The following PTPRJ variants were observed in gnomAD, a reference collection of about 807,000 sequenced individuals.
PTPRJ encodes protein tyrosine phosphatase receptor type J, also known as receptor-type tyrosine-protein phosphatase eta.
PTPRJ carries 129 observed loss-of-function variants against 141.3 expected under a neutral mutation model. The observed-to-expected ratio is 0.91, with a 90% CI of 0.79 to 1.06. The LOEUF (loss-of-function observed/expected upper bound fraction) is 1.06, where lower values mean the gene tolerates loss of function less well. PTPRJ is among the 50% of genes least tolerant of loss of function. The probability of loss-of-function intolerance (pLI) is 0.00; values close to 1 mark genes in which losing one functional copy is unlikely to be tolerated. For missense variants in PTPRJ, 1,601 were observed against 1,679.7 expected (o/e 0.95, Z 0.82); for synonymous variants, 610 against 640.5 (o/e 0.95, Z 0.72).
At chr11:47,985,705 T>C (rs1854032146) in intron 1 of PTPRJ, among the ~76,000 whole-genome samples, 1 of 151,334 alleles carries the variant, frequency 6.6e-6, no homozygotes, top group Non-Finnish European at 1.5e-5. Context: ...TATTTATTTA[T>C]TTATTTATTT....
At chr11:48,067,350 C>A (rs1195147552) in intron 1 of PTPRJ, among the ~76,000 whole-genome samples, 1 of 152,214 alleles carries the variant, frequency 6.6e-6, no homozygotes, top group Non-Finnish European at 1.5e-5. Flanking sequence ...GTGCGGATGA[C>A]TTCCTCAATG....
chr11:48,060,825 G>T (rs538465616), intron 1 of PTPRJ, among the ~76,000 whole-genome samples: 1 of 152,270 alleles, frequency 6.6e-6, no homozygotes, highest in East Asian at 1.9e-4. Context: ...CTCTGAAGGG[G>T]CTGAGATTTG....
At position 47,980,590 on chromosome 11, in the gene PTPRJ, G is replaced by C. The variant is rs1244883806; in HGVS notation, c.-323G>C. On this transcript the variant is annotated 5_prime_UTR_variant, in exon 1 of 25. Coordinates refer to ENST00000418331, the MANE Select transcript of PTPRJ (RefSeq NM_002843.4). The stretch of plus-strand genomic sequence containing the variant: ...AGCCGCATGACGCGCGGAGGAGGCA[G>C]CGGGAGCAGCCGCGGGAGCCGGGAC... 1.0e-6 allele frequency: 1 copy of C among 983,080 alleles called. No individual in the cohort carries two copies. Among genetic ancestry groups the C allele is most frequent in the African/African-American group, 1.8e-5 (1 of 56,970 alleles). 60.9% of individuals were successfully genotyped at this position (983,080 alleles called of 1,614,324 possible).
intron 1 of PTPRJ, among the ~76,000 whole-genome samples, chr11:48,067,009 A>T (rs970683768): frequency 2.0e-5 from 3 of 152,238 alleles, no homozygotes; most frequent in African/African-American, 7.2e-5. Context: ...AGTTTCAATG[A>T]AAAAGGGAAT....
At chr11:48,122,314 A>T (rs1431621543) in intron 4 of PTPRJ, among the ~76,000 whole-genome samples, 1 of 152,136 alleles carries the variant, frequency 6.6e-6, no homozygotes, top group East Asian at 1.9e-4. Flanking sequence ...GGTCATGAGG[A>T]CAAGGTGACC....
chr11:48,155,746 A>G (rs1456937805), intron 19 of PTPRJ, 55 bp from the exon 20 acceptor site: 1 of 1,430,046 alleles, frequency 7.0e-7, no homozygotes, highest in South Asian at 1.2e-5. Context: ...TTTTGTGTCC[A>G]ACTTTACTAA....
chr11:48,165,903 C>T (rs565221778), intron 24 of PTPRJ, among the ~76,000 whole-genome samples: 8 of 151,688 alleles, frequency 5.3e-5, no homozygotes, highest in East Asian at 1.9e-4. Context: ...GCTCTGTCAC[C>T]GGGCTGGATT....
chr11:48,089,765 C>A (rs1040741554), intron 1 of PTPRJ, among the ~76,000 whole-genome samples: 2 of 152,264 alleles, frequency 1.3e-5, no homozygotes, highest in East Asian at 3.9e-4. Context: ...GAGCTGTTCA[C>A]AGTAAATGGA....
chr11:48,084,376 G>C lies in PTPRJ; in HGVS notation c.97-25682G>C, dbSNP rs375916770. 2.4e-4 allele frequency among the ~76,000 whole-genome samples: 36 copies of C among 152,218 alleles called. No individual in the cohort carries two copies. The South Asian group carries it at 7.3e-3, about 31-fold the overall frequency. ...TTTTTGTATTTTTAGCAGAGACGGGGTTTTACCATGCTGGCCAGGCTTGTC... is the reference window on the plus strand; with the variant it reads ...TTTTTGTATTTTTAGCAGAGACGGGCTTTTACCATGCTGGCCAGGCTTGTC... On this transcript the variant is annotated intron_variant, in intron 1 of 24. Coordinates refer to ENST00000418331, the MANE Select transcript of PTPRJ (RefSeq NM_002843.4).
At chr11:48,023,942 C>T (rs1853732584) in intron 1 of PTPRJ, among the ~76,000 whole-genome samples, 1 of 151,768 alleles carries the variant, frequency 6.6e-6, no homozygotes, top group African/African-American at 2.4e-5. Flanking sequence ...CCTCACCATC[C>T]AAAAATCCTC....
chr11:48,024,013 A>G (rs928629501), intron 1 of PTPRJ, among the ~76,000 whole-genome samples: 1 of 151,762 alleles, frequency 6.6e-6, no homozygotes, highest in Non-Finnish European at 1.5e-5. Flanking sequence ...AAATATATAT[A>G]AAAAAAGGAA....
At chr11:48,006,117 G>A (rs1193749515) in intron 1 of PTPRJ, among the ~76,000 whole-genome samples, 1 of 152,194 alleles carries the variant, frequency 6.6e-6, no homozygotes, top group African/African-American at 2.4e-5. Context: ...CCACAGAACC[G>A]CTGTGATGGG....
intron 22 of PTPRJ, among the ~76,000 whole-genome samples, chr11:48,162,390 C>T (rs1857806512): frequency 6.6e-6 from 1 of 151,302 alleles, no homozygotes; most frequent in African/African-American, 2.4e-5. Context: ...CCTCCTCCCT[C>T]TCCCTCCTCC....
In PTPRJ at chr11:48,123,648, A is replaced by T. The variant is rs1201533506; in HGVS notation, c.652A>T (p.Thr218Ser). The T allele has an allele frequency of 6.2e-7, 1 of 1,614,096 alleles. No individual in the cohort carries two copies. Among genetic ancestry groups the T allele is most frequent in the East Asian group, 2.2e-5 (1 of 44,874 alleles). ...AGTTTCTGATCTCCGTGTTGCCCTC[A>T]CGGGTGTGAGGAAGGCTGCTCTCTC... The part of the protein sequence containing the change: ...IPVSDLRVAL[T>S]GVRKAALSWS... Residue 218 changes from threonine (T) to serine (S), a missense_variant, in exon 5 of 25, where the codon ACG becomes TCG. Coordinates refer to ENST00000418331, the MANE Select transcript of PTPRJ (RefSeq NM_002843.4).
chr11:48,063,183 CT>C (rs1368040938), intron 1 of PTPRJ, among the ~76,000 whole-genome samples: 1 of 152,078 alleles, frequency 6.6e-6, no homozygotes, highest in Non-Finnish European at 1.5e-5. Context: ...TAAAAATTAG[CT>C]GGGCGTGGTG....
chr11:48,074,645 G>A (rs1855352116), intron 1 of PTPRJ, among the ~76,000 whole-genome samples: 1 of 152,168 alleles, frequency 6.6e-6, no homozygotes, highest in African/African-American at 2.4e-5. Flanking sequence ...TTATTGTACT[G>A]ATGCAATTTG....
chr11:48,109,762 C>T (rs1263365357), intron 1 of PTPRJ, among the ~76,000 whole-genome samples: 1 of 150,946 alleles, frequency 6.6e-6, no homozygotes, highest in African/African-American at 2.4e-5. Flanking sequence ...TGGGGAGTTG[C>T]TCCGGGGAGA....
rs184989471 is a variant in PTPRJ at position 47,986,814 on chromosome 11, C to T, written c.96+5806C>T. 2.8e-3 allele frequency among the ~76,000 whole-genome samples: 431 copies of T among 152,206 alleles called. 2 individuals carry two copies. The highest frequency in any genetic ancestry group is 0.02 in the Middle Eastern group (6 of 294). On this transcript the variant is annotated intron_variant, in intron 1 of 24. Transcript: ENST00000418331. ...TACAGTCTGAGCCACCACGCCTGGC[C>T]CATATGACAAATATTTATGAAGTGT...
chr11:48,162,380 C>A (rs1857805745), intron 22 of PTPRJ, among the ~76,000 whole-genome samples: 1 of 144,916 alleles, frequency 6.9e-6, no homozygotes, highest in African/African-American at 2.7e-5. Flanking sequence ...CTTTCCTCTC[C>A]CTCCTCCCTC....
Sources: gnomAD v4.1 joint callset for allele counts (sites outside exome capture counted in the v4.1 genomes callset) on GRCh38, gnomAD v4.1.1 for gene constraint, MANE v1.5 for transcripts, NCBI Gene and HGNC (gene_info 2026-07-23, HGNC 2026-07-21) for gene names.